The following DOCK1 variants were observed in gnomAD, a reference collection of about 807,000 sequenced individuals.
The protein encoded by DOCK1 is dedicator of cytokinesis 1.
A neutral mutation model predicts 262.7 loss-of-function variants in DOCK1; 138 were observed. The ratio of observed to expected loss-of-function variants is 0.53; its 90% CI spans 0.46 to 0.61. DOCK1 has a LOEUF of 0.61. Among genes scored for constraint, DOCK1 ranks in the 20% least tolerant of loss-of-function variants. The pLI, the probability that DOCK1 is intolerant of heterozygous loss-of-function variation, is 0.00. For synonymous variants in DOCK1, 866 were observed against 867.4 expected, an observed-to-expected ratio of 1.00 and a Z score of 0.03; for missense variants, 1,908 against 2,370.7, an observed-to-expected ratio of 0.80 and a Z score of 4.05.
At chr10:126,954,541 T>C (rs2036578874) in intron 1 of DOCK1, among the ~76,000 whole-genome samples, 1 of 152,214 alleles carries the variant, frequency 6.6e-6, no homozygotes, top group African/African-American at 2.4e-5. Context: ...CAGAACTCTT[T>C]TCTTCTTCCT....
rs146714520 is a variant in DOCK1, at chr10:127,105,362, G to A, written c.2446-869G>A. Reference sequence around the variant, plus strand: ...CCTAGCACAGTGTGCAGCATGACAGGATCTATCATTAATATCATTACTCTG... The same window carrying A: ...CCTAGCACAGTGTGCAGCATGACAGAATCTATCATTAATATCATTACTCTG... On this transcript the variant is annotated intron_variant, in intron 23 of 51. Coordinates refer to ENST00000623213, the MANE Select transcript of DOCK1 (RefSeq NM_001290223.2). 5.3e-5 allele frequency among the ~76,000 whole-genome samples: 8 copies of A among 152,318 alleles called. No homozygotes were observed. The East Asian group carries it at 1.5e-3, about 29-fold the overall frequency.
intron 23 of DOCK1, among the ~76,000 whole-genome samples, chr10:127,067,517 G>C (rs1268791904): frequency 6.6e-6 from 1 of 151,832 alleles, no homozygotes; most frequent in African/African-American, 2.4e-5. Flanking sequence ...TGTGTGCATT[G>C]TATGTGTGTG....
intron 1 of DOCK1, among the ~76,000 whole-genome samples, chr10:126,954,301 G>A (rs1036442818): frequency 5.9e-5 from 9 of 152,240 alleles, no homozygotes; most frequent in Non-Finnish European, 8.8e-5. Context: ...GCCTTCTTGG[G>A]AATCACAGCC....
At chr10:127,325,762 T>A (rs2062722098) in intron 29 of DOCK1, among the ~76,000 whole-genome samples, 1 of 152,218 alleles carries the variant, frequency 6.6e-6, no homozygotes, top group South Asian at 2.1e-4. Context: ...AAATGGGAAA[T>A]GAGTAATTCG....
At chr10:127,373,340 G>C (rs2065308597) in intron 33 of DOCK1, among the ~76,000 whole-genome samples, 1 of 141,500 alleles carries the variant, frequency 7.1e-6, no homozygotes, top group Non-Finnish European at 1.6e-5. Flanking sequence ...GCAGCTAAGT[G>C]GCCCCTAGGA....
At chr10:126,957,571 C>G (rs1188246056) in intron 1 of DOCK1, among the ~76,000 whole-genome samples, 1 of 152,116 alleles carries the variant, frequency 6.6e-6, no homozygotes, top group Non-Finnish European at 1.5e-5. Context: ...CTGCAGCCCT[C>G]AACTCCTGGG....
intron 25 of DOCK1, among the ~76,000 whole-genome samples, chr10:127,114,245 T>G (rs2049038627): frequency 6.6e-6 from 1 of 152,198 alleles, no homozygotes; most frequent in Non-Finnish European, 1.5e-5. Flanking sequence ...CTGTAATGGA[T>G]ATTTATTGAA....
chr10:127,221,637 C>T (rs1343798556), intron 27 of DOCK1, among the ~76,000 whole-genome samples: 1 of 152,132 alleles, frequency 6.6e-6, no homozygotes, highest in Non-Finnish European at 1.5e-5. Context: ...TGGTTGGAAA[C>T]GTGGATGTCC....
At chr10:127,421,208 C>T (rs2068487018) in intron 46 of DOCK1, among the ~76,000 whole-genome samples, 1 of 152,082 alleles carries the variant, frequency 6.6e-6, no homozygotes, top group Non-Finnish European at 1.5e-5. Flanking sequence ...AGCCACTGCA[C>T]CAGGCCACTG....
chr10:127,214,944 C>CT (rs1389647620), intron 27 of DOCK1, among the ~76,000 whole-genome samples: 1 of 152,156 alleles, frequency 6.6e-6, no homozygotes, highest in Admixed American at 6.5e-5. Context: ...TAGTGAGAAT[C>CT]TAAGTATCCA....
In DOCK1 at chr10:127,437,074, A is replaced by G. The variant is rs1168916815; in HGVS notation, c.5061-1953A>G. ...TCTCGATTCTCCATATTCCCTGCAT[A>G]TTGGTGGTTGAATCTAGCGATTTGA... On this transcript the variant is annotated intron_variant, in intron 48 of 51. Coordinates refer to ENST00000623213, the MANE Select transcript of DOCK1 (RefSeq NM_001290223.2). This position sits in a 1 kb window ranked among gnomAD's most constrained non-coding sequence, Gnocchi z 4.4. Among the ~76,000 whole-genome samples the G allele has an allele frequency of 1.3e-5, 2 of 152,050 alleles. No individual in the cohort carries two copies. The highest frequency in any genetic ancestry group is 2.9e-5 in the Non-Finnish European group (2 of 67,996).
intron 29 of DOCK1, among the ~76,000 whole-genome samples, chr10:127,336,896 C>T (rs1224834250): frequency 6.6e-6 from 1 of 152,056 alleles, no homozygotes; most frequent in Non-Finnish European, 1.5e-5. Context: ...TGCAGTTGTC[C>T]CAGAGCTTAA....
chr10:126,946,338 G>T (rs2035402810), intron 1 of DOCK1, among the ~76,000 whole-genome samples: 1 of 152,066 alleles, frequency 6.6e-6, no homozygotes, highest in Admixed American at 6.6e-5. Flanking sequence ...CTTGAGGTCA[G>T]GAGTTCAAGA....
chr10:126,909,686 A>T (rs2031476646), intron 1 of DOCK1, among the ~76,000 whole-genome samples: 1 of 152,100 alleles, frequency 6.6e-6, no homozygotes, highest in African/African-American at 2.4e-5. Flanking sequence ...TGGTTTTCTC[A>T]TCTGTGAAGT....
chr10:127,377,436 G>A (rs1443394964), intron 35 of DOCK1, among the ~76,000 whole-genome samples: 2 of 152,134 alleles, frequency 1.3e-5, no homozygotes, highest in Admixed American at 6.5e-5. Flanking sequence ...GAAGCCTAAA[G>A]TTAAAAAATT....
In DOCK1 at chr10:127,339,065, A is replaced by G; in HGVS notation, c.3104A>G (p.Gln1035Arg). Residue 1035 changes from glutamine (Q) to arginine (R), a missense_variant, in exon 30 of 52, where the codon CAA (glutamine) becomes CGA (arginine). By Grantham distance (43) the Gln-to-Arg change is conservative. This residue lies in a region of DOCK1 where 518 missense variants were observed against 575.1 expected (regional missense o/e 0.90). Transcript: ENST00000623213. ...ADMLNKKFLD[Q>R]ANFELQLWNN... Reference sequence around the variant, plus strand: ...ATGCTGAACAAAAAATTTCTGGATCAAGCCAACTTTGAGCTACAGGTAAGA... The same window carrying G: ...ATGCTGAACAAAAAATTTCTGGATCGAGCCAACTTTGAGCTACAGGTAAGA... The G allele has an allele frequency of 6.3e-7, 1 of 1,577,080 alleles. No homozygotes were observed. Among genetic ancestry groups the G allele is most frequent in the South Asian group, 1.2e-5 (1 of 85,664 alleles).
intron 38 of DOCK1, among the ~76,000 whole-genome samples, chr10:127,396,606 G>C (rs748802631): frequency 5.6e-4 from 85 of 152,300 alleles, no homozygotes; most frequent in Non-Finnish European, 5.1e-4. Flanking sequence ...GAAGGCAGGA[G>C]TGAGCAGCAC....
At chr10:126,953,038 G>A (rs2036444333) in intron 1 of DOCK1, among the ~76,000 whole-genome samples, 1 of 151,166 alleles carries the variant, frequency 6.6e-6, no homozygotes, top group Admixed American at 6.6e-5. Flanking sequence ...TGCTGGTGGT[G>A]GTAGTATTTT....
chr10:127,336,020 ATT>A (rs879573448), intron 29 of DOCK1, among the ~76,000 whole-genome samples: 1 of 143,934 alleles, frequency 6.9e-6, no homozygotes, highest in African/African-American at 2.5e-5. Flanking sequence ...CCAGCCTGTA[ATT>A]TTTTTTTTTT....
Sources: gnomAD v4.1 joint callset for allele counts (sites outside exome capture counted in the v4.1 genomes callset) on GRCh38, gnomAD v4.1.1 for gene constraint, gnomAD v4.1.1 regional missense constraint, Gnocchi (gnomAD v3.1) non-coding constraint, MANE v1.5 for transcripts, NCBI Gene and HGNC (gene_info 2026-07-23, HGNC 2026-07-21) for gene names.